The following CNPY1 variants were observed in gnomAD, a reference collection of about 807,000 sequenced individuals.
CNPY1 encodes the protein canopy FGF signaling regulator 1.
CNPY1 carries 14 observed loss-of-function variants against 14.4 expected under a neutral mutation model. The observed-to-expected ratio is 0.97, with a 90% confidence interval of 0.64 to 1.52. The LOEUF is 1.52. CNPY1 is among the 40% of genes most tolerant of loss of function. The pLI, the probability that CNPY1 is intolerant of heterozygous loss-of-function variation, is 0.00. For missense variants in CNPY1, 129 were observed against 131.5 expected, an observed-to-expected ratio of 0.98 and a Z score of 0.09; for synonymous variants, 43 against 46.5, an observed-to-expected ratio of 0.92 and a Z score of 0.31.
rs144637877 is a variant in CNPY1, at chr7:155,525,420, C to T, written c.100-16323G>A. ...CTGACCTCAGGTGATCCACCTGCCT[C>T]GGCCTCCCAAAGTGCTGGGATTACA... On this transcript the variant is annotated intron_variant, in intron 2 of 4. Transcript: ENST00000636446. Among the ~76,000 whole-genome samples, 1,311 of 152,296 alleles carry T rather than the reference C, an allele frequency of 8.6e-3. 7 individuals are homozygous for T. The highest frequency in any genetic ancestry group is 0.016 in the East Asian group (81 of 5,186).
intron 2 of CNPY1, among the ~76,000 whole-genome samples, chr7:155,528,033 A>G (rs1796861340): frequency 1.3e-5 from 2 of 152,186 alleles, no homozygotes; most frequent in African/African-American, 4.8e-5. Context: ...AATATTAGAA[A>G]TCACCATTAA....
intron 2 of CNPY1, among the ~76,000 whole-genome samples, chr7:155,522,983 T>C (rs1343315962): frequency 6.6e-6 from 1 of 152,204 alleles, no homozygotes. Context: ...TCTAGCTCCT[T>C]TTGTCCTGGG....
chr7:155,538,780 C>T (rs928832814), intron 2 of CNPY1, among the ~76,000 whole-genome samples: 13 of 152,194 alleles, frequency 8.5e-5, no homozygotes, highest in East Asian at 3.9e-4. Context: ...TGGGCTGACT[C>T]GCGCCCCCTC....
chr7:155,508,738 G>A (rs906644223), intron 3 of CNPY1, among the ~76,000 whole-genome samples, 156 bp downstream of exon 3: 6 of 152,174 alleles, frequency 3.9e-5, no homozygotes, highest in African/African-American at 1.4e-4. Flanking sequence ...GAGCACTTAA[G>A]CAGCAAGACA....
chr7:155,536,571 G>A lies in CNPY1; in HGVS notation c.99+9260C>T, dbSNP rs973541911. On this transcript the variant is annotated intron_variant, in intron 2 of 4. Transcript: ENST00000636446. The surrounding 1 kb of genome is among the most constrained non-coding windows in gnomAD (Gnocchi z 4.1). ...TGTGCTGGAGTCCCAGCCGTGGAAC[G>A]TAGGCAGAAGCAAGGCCCCTCCCTG... Among the ~76,000 whole-genome samples the A allele has an allele frequency of 1.3e-5, 2 of 152,160 alleles. No homozygotes were observed. The highest frequency in any genetic ancestry group is 6.6e-5 in the Admixed American group (1 of 15,266).
chr7:155,546,380 G>A (rs1361838369), intron 1 of CNPY1, 49 bp downstream of exon 1: 7 of 397,436 alleles, frequency 1.8e-5, no homozygotes, highest in Non-Finnish European at 2.7e-5. Flanking sequence ...GAGACGGGGG[G>A]TCTCACTATG....
chr7:155,527,379 G>A (rs546411863), intron 2 of CNPY1, among the ~76,000 whole-genome samples: 6 of 147,084 alleles, frequency 4.1e-5, no homozygotes, highest in Admixed American at 2.1e-4. Context: ...GTAGACATGC[G>A]TCTTTTCTCT....
chr7:155,522,644 G>A (rs1563091849), intron 2 of CNPY1, among the ~76,000 whole-genome samples: 1 of 152,180 alleles, frequency 6.6e-6, no homozygotes, highest in Non-Finnish European at 1.5e-5. Context: ...GCCAGAGGGG[G>A]TGAGCACCTC....
intron 2 of CNPY1, among the ~76,000 whole-genome samples, chr7:155,522,996 A>T (rs576279347): frequency 6.6e-6 from 1 of 152,132 alleles, no homozygotes; most frequent in Non-Finnish European, 1.5e-5. Flanking sequence ...GTCCTGGGGG[A>T]AAAACACTGC....
chr7:155,508,635 T>G (rs1796411602), intron 3 of CNPY1, among the ~76,000 whole-genome samples: 1 of 152,232 alleles, frequency 6.6e-6, no homozygotes, highest in African/African-American at 2.4e-5. Context: ...GCACAGCACC[T>G]TCCGTAAAGT....
chr7:155,543,220 T>C (rs1049238518), intron 2 of CNPY1, among the ~76,000 whole-genome samples: 1 of 152,172 alleles, frequency 6.6e-6, no homozygotes, highest in African/African-American at 2.4e-5. Flanking sequence ...GGAACACCTC[T>C]GGCTTCAAGA....
At chr7:155,508,731 C>T (rs1377920927) in intron 3 of CNPY1, among the ~76,000 whole-genome samples, 163 bp downstream of exon 3, 1 of 152,180 alleles carries the variant, frequency 6.6e-6, no homozygotes, top group Non-Finnish European at 1.5e-5. Context: ...GCATGGTGAG[C>T]ACTTAAGCAG....
At chr7:155,538,103 G>A (rs1284974941) in intron 2 of CNPY1, among the ~76,000 whole-genome samples, 2 of 152,198 alleles carry the variant, frequency 1.3e-5, no homozygotes, top group East Asian at 1.9e-4. Context: ...AATACCCTTC[G>A]GATTTTTTCA....
At chr7:155,537,262 T>G (rs1301076680) in intron 2 of CNPY1, among the ~76,000 whole-genome samples, 1 of 152,038 alleles carries the variant, frequency 6.6e-6, no homozygotes, top group Non-Finnish European at 1.5e-5. Context: ...AGCCTCTCCT[T>G]CCGAGGACTC....
intron 2 of CNPY1, among the ~76,000 whole-genome samples, chr7:155,523,452 C>T (rs1467611315): frequency 6.6e-6 from 1 of 152,234 alleles, no homozygotes; most frequent in African/African-American, 2.4e-5. Flanking sequence ...GAAGGGCACA[C>T]TGCCGGCCAC....
chr7:155,508,342 C>G (rs1796399872), intron 3 of CNPY1, among the ~76,000 whole-genome samples: 1 of 152,292 alleles, frequency 6.6e-6, no homozygotes, highest in East Asian at 1.9e-4. Context: ...CTAGAATATT[C>G]GAATTAACTC....
intron 2 of CNPY1, among the ~76,000 whole-genome samples, chr7:155,527,054 C>CTTTCTTTATTTTTT (rs56296833): frequency 3.3e-5 from 3 of 90,344 alleles, no homozygotes; most frequent in African/African-American, 1.5e-4. Flanking sequence ...TTCTTTCTTT[C>CTTTCTTTATTTTTT]TTTTTTTTTT....
At chr7:155,546,227 C>T (rs1206302917) in intron 1 of CNPY1, among the ~76,000 whole-genome samples, 2 of 151,150 alleles carry the variant, frequency 1.3e-5, no homozygotes, top group Non-Finnish European at 2.9e-5. Context: ...CACTCTGTTG[C>T]CCAGGCTGGA....
chr7:155,515,362 C>T (rs962883967), intron 2 of CNPY1, among the ~76,000 whole-genome samples: 1 of 133,658 alleles, frequency 7.5e-6, no homozygotes, highest in African/African-American at 2.7e-5. Flanking sequence ...GTGATTAGAA[C>T]AAGAGGCTCT....
Sources: gnomAD v4.1 joint callset for allele counts (sites outside exome capture counted in the v4.1 genomes callset) on GRCh38, gnomAD v4.1.1 for gene constraint, Gnocchi (gnomAD v3.1) non-coding constraint, MANE v1.5 for transcripts, NCBI Gene and HGNC (gene_info 2026-07-23, HGNC 2026-07-21) for gene names.